The following FAM131C variants were observed in gnomAD, a reference collection of about 807,000 sequenced individuals.
The protein encoded by FAM131C is family with sequence similarity 131 member C, also known as protein FAM131C.
In FAM131C, 14 loss-of-function variants were observed where a neutral mutation model predicts 29.8. That is an observed-to-expected ratio of 0.47 (90% CI 0.31 to 0.73). The LOEUF (loss-of-function observed/expected upper bound fraction) is 0.73. Among genes scored for constraint, FAM131C ranks in the 30% least tolerant of loss-of-function variants. The pLI, the probability that FAM131C is intolerant of heterozygous loss-of-function variation, is 0.05. For missense variants in FAM131C, 252 were observed against 383.8 expected, an observed-to-expected ratio of 0.66 and a Z score of 2.87; for synonymous variants, 86 against 157.8, an observed-to-expected ratio of 0.54 and a Z score of 3.41.
At chr1:16,070,042 C>T (rs561308376) in intron 1 of FAM131C, among the ~76,000 whole-genome samples, 41 of 152,142 alleles carry the variant, frequency 2.7e-4, no homozygotes. Flanking sequence ...AGATTATAAG[C>T]GTGAGCCATA....
chr1:16,069,195 A>G (rs1394228431), intron 1 of FAM131C, among the ~76,000 whole-genome samples: 1 of 152,170 alleles, frequency 6.6e-6, no homozygotes, highest in Non-Finnish European at 1.5e-5. Flanking sequence ...ACCACTAAAC[A>G]GTGCTGATCT....
intron 1 of FAM131C, among the ~76,000 whole-genome samples, chr1:16,066,363 G>A (rs2023683405): frequency 6.6e-6 from 1 of 152,244 alleles, no homozygotes. Flanking sequence ...GGCCTAAGGA[G>A]GTGAGAGCAC....
chr1:16,063,877 C>A (rs1479967638), intron 1 of FAM131C, among the ~76,000 whole-genome samples: 1 of 152,046 alleles, frequency 6.6e-6, no homozygotes, highest in Admixed American at 6.5e-5. Flanking sequence ...TTTCTAGCAC[C>A]CACACTCCAG....
rs148189090 is a variant in FAM131C, at chr1:16,059,420, C to T, written c.562+74G>A. On this transcript the variant is annotated intron_variant, in intron 6 of 6. Coordinates refer to ENST00000375662, the MANE Select transcript of FAM131C (RefSeq NM_182623.3). ...AGGGGCTTGGCCGAGGTCACACTGC[C>T]TTTGGTGATGGGCAGCCATCCAGAA... The T allele has an allele frequency of 1.2e-5, 18 of 1,544,314 alleles. No individual in the cohort carries two copies. The African/African-American group carries it at 2.3e-4, about 20-fold the overall frequency.
In FAM131C at chr1:16,058,388, C is replaced by G. The variant is rs1375266992; in HGVS notation, c.*49G>C. 18 of 1,429,904 alleles carry G rather than the reference C, an allele frequency of 1.3e-5. No homozygotes were observed. Among genetic ancestry groups the G allele is most frequent in the East Asian group, 2.5e-5 (1 of 39,568 alleles). 88.6% of individuals were successfully genotyped at this position (1,429,904 alleles called of 1,614,324 possible). On this transcript the variant is annotated 3_prime_UTR_variant, in exon 7 of 7. Coordinates refer to ENST00000375662, the MANE Select transcript of FAM131C (RefSeq NM_182623.3). ...GTCCAGATATGCCTGGGCTGCCCAC[C>G]AGGCGAGGTCATGGTGAGAGCAGGT...
At chr1:16,069,350 T>C (rs990866140) in intron 1 of FAM131C, among the ~76,000 whole-genome samples, 1 of 152,208 alleles carries the variant, frequency 6.6e-6, no homozygotes, top group Admixed American at 6.5e-5. Context: ...CCTCAGTGCC[T>C]GGTGTAGGAC....
chr1:16,067,227 G>A (rs2124133077), intron 1 of FAM131C, among the ~76,000 whole-genome samples: 1 of 152,272 alleles, frequency 6.6e-6, no homozygotes, highest in Non-Finnish European at 1.5e-5. Context: ...GCCCCATGAT[G>A]TCACAGGCTG....
intron 1 of FAM131C, among the ~76,000 whole-genome samples, chr1:16,072,396 T>C (rs2023761921): frequency 2.0e-5 from 3 of 152,214 alleles, no homozygotes; most frequent in Admixed American, 6.5e-5. Context: ...GTCCCCTCTA[T>C]TCTGGGTAAG....
chr1:16,062,934 G>C (rs2023624015), intron 2 of FAM131C, among the ~76,000 whole-genome samples: 1 of 152,170 alleles, frequency 6.6e-6, no homozygotes, highest in African/African-American at 2.4e-5. Flanking sequence ...GCTGAGTGCA[G>C]TGCTTCGCAG....
intron 1 of FAM131C, among the ~76,000 whole-genome samples, chr1:16,069,914 A>G (rs983951779): frequency 6.6e-6 from 1 of 152,004 alleles, no homozygotes; most frequent in African/African-American, 2.4e-5. Context: ...AGCACACACC[A>G]CCACAGCTAG....
At chr1:16,060,371 C>T (rs1253115876) in intron 4 of FAM131C, among the ~76,000 whole-genome samples, 21 of 132,684 alleles carry the variant, frequency 1.6e-4, no homozygotes, top group African/African-American at 4.3e-4. Flanking sequence ...TGCTTCTTCC[C>T]CAGATCGGCC....
chr1:16,069,817 G>A (rs1194893472), intron 1 of FAM131C, among the ~76,000 whole-genome samples: 2 of 152,228 alleles, frequency 1.3e-5, no homozygotes, highest in South Asian at 2.1e-4. Context: ...GCTAGAGTGC[G>A]GTGGAGTAAT....
chr1:16,072,694 ATAGAAGAGGCTGGGGCC>A (rs2023765476), intron 1 of FAM131C, among the ~76,000 whole-genome samples: 1 of 152,058 alleles, frequency 6.6e-6, no homozygotes, highest in Non-Finnish European at 1.5e-5. Context: ...CTCCTCACAG[ATAGAAGAGGCTGGGGCC>A]TGCCCTGGGC....
intron 1 of FAM131C, among the ~76,000 whole-genome samples, chr1:16,070,274 G>A (rs2023735254): frequency 6.6e-6 from 1 of 152,200 alleles, no homozygotes; most frequent in Admixed American, 6.5e-5. Context: ...CTCAGGATAA[G>A]CGCTCAACAA....
Position 16,072,681 on chromosome 1 carries a change from C to A in FAM131C, c.22+740G>T, listed in dbSNP as rs192208484. Among the ~76,000 whole-genome samples the A allele has an allele frequency of 2.8e-3, 430 of 152,248 alleles. 1 individual carries two copies. The highest frequency in any genetic ancestry group is 3.9e-3 in the Non-Finnish European group (268 of 67,992). ...CCAATCTCTGTGCAAGACTGTGTGT[C>A]CCCTCCTCACAGATAGAAGAGGCTG... On this transcript the variant is annotated intron_variant, in intron 1 of 6. Coordinates refer to ENST00000375662, the MANE Select transcript of FAM131C (RefSeq NM_182623.3).
chr1:16,063,493 A>C (rs758552029), intron 2 of FAM131C, 28 bp downstream of exon 2: 1 of 1,547,686 alleles, frequency 6.5e-7, no homozygotes, highest in South Asian at 1.1e-5. Context: ...GGGCGCAGGT[A>C]GCACAGGGAT....
At chr1:16,061,964 T>G in intron 4 of FAM131C, 135 bp downstream of exon 4, 1 of 831,482 alleles carries the variant, frequency 1.2e-6, no homozygotes, top group South Asian at 1.8e-5. Context: ...GCATGGACTC[T>G]GGCATTTAGA....
intron 1 of FAM131C, among the ~76,000 whole-genome samples, chr1:16,067,946 G>A (rs78112578): frequency 0.014 from 2,088 of 152,302 alleles, 46 homozygotes; most frequent in African/African-American, 0.046. Context: ...GCACCCCAGA[G>A]GGCAGAGAGG....
chr1:16,070,065 C>A (rs2023732811), intron 1 of FAM131C, among the ~76,000 whole-genome samples: 1 of 152,274 alleles, frequency 6.6e-6, no homozygotes, highest in South Asian at 2.1e-4. Context: ...ACCTCTCTCT[C>A]TATAGGGACG....
Sources: allele counts gnomAD v4.1 joint callset (sites outside exome capture counted in the v4.1 genomes callset), GRCh38; gene constraint gnomAD v4.1.1; transcripts MANE v1.5; gene names NCBI Gene and HGNC (gene_info 2026-07-23, HGNC 2026-07-21).